The following NOS1AP variants were observed in gnomAD, a reference collection of about 807,000 sequenced individuals.
NOS1AP encodes the protein carboxyl-terminal PDZ ligand of neuronal nitric oxide synthase protein.
In NOS1AP, 21 loss-of-function variants were observed where a neutral mutation model predicts 56.2. The observed-to-expected ratio is 0.37, with a 90% confidence interval of 0.26 to 0.54. The LOEUF is 0.54. NOS1AP is among the 20% of genes least tolerant of loss of function. NOS1AP has a pLI of 0.84. For synonymous variants in NOS1AP, 270 were observed against 274.6 expected (o/e 0.98, Z 0.17); for missense variants, 522 against 657.8 (o/e 0.79, Z 2.26).
chr1:162,094,836 A>G (rs1022376423), intron 1 of NOS1AP, among the ~76,000 whole-genome samples: 21 of 152,140 alleles, frequency 1.4e-4, no homozygotes, highest in Admixed American at 2.6e-4. Context: ...GGTGGAAACC[A>G]GGTATCGCTG....
At chr1:162,090,873 C>T (rs1480909193) in intron 1 of NOS1AP, among the ~76,000 whole-genome samples, 1 of 152,156 alleles carries the variant, frequency 6.6e-6, no homozygotes, top group East Asian at 1.9e-4. Flanking sequence ...CATGCTTTCA[C>T]TATCACATAT....
At chr1:162,185,306 T>C (rs996846039) in intron 2 of NOS1AP, among the ~76,000 whole-genome samples, 3 of 152,248 alleles carry the variant, frequency 2.0e-5, no homozygotes, top group Non-Finnish European at 4.4e-5. Context: ...GGGATTAGTG[T>C]GTAGACATCT....
chr1:162,299,718 T>C (rs1451387086), intron 3 of NOS1AP, among the ~76,000 whole-genome samples: 1 of 152,172 alleles, frequency 6.6e-6, no homozygotes, highest in South Asian at 2.1e-4. Flanking sequence ...CTATGGATCA[T>C]ATTGGTGTTT....
chr1:162,340,383 G>T (rs368205607), intron 5 of NOS1AP, among the ~76,000 whole-genome samples: 20 of 152,290 alleles, frequency 1.3e-4, no homozygotes, highest in African/African-American at 4.8e-4. Flanking sequence ...TATGGTGGAG[G>T]CTATGCTATC....
At chr1:162,320,267 G>A (rs1462192009) in intron 4 of NOS1AP, among the ~76,000 whole-genome samples, 1 of 152,174 alleles carries the variant, frequency 6.6e-6, no homozygotes, top group Non-Finnish European at 1.5e-5. Flanking sequence ...TACAGCAGAT[G>A]AAAATAACAG....
intron 9 of NOS1AP, 79 bp downstream of exon 9, chr1:162,365,648 G>A (rs773932287): frequency 1.1e-4 from 167 of 1,568,346 alleles, no homozygotes; most frequent in Non-Finnish European, 1.3e-4. Flanking sequence ...GTTTTTGGTG[G>A]TGCTTTCTTG....
At chr1:162,352,494 C>A (rs144447204) in intron 6 of NOS1AP, among the ~76,000 whole-genome samples, 238 of 151,518 alleles carry the variant, frequency 1.6e-3, no homozygotes, top group Non-Finnish European at 3.1e-3. Context: ...CCTGAACTTT[C>A]CATTCATGCA....
intron 1 of NOS1AP, among the ~76,000 whole-genome samples, chr1:162,117,195 A>G (rs1411784178): frequency 1.3e-5 from 2 of 152,088 alleles, no homozygotes; most frequent in Non-Finnish European, 2.9e-5. Flanking sequence ...CATTTTATGC[A>G]TTTTGTTCTG....
intron 2 of NOS1AP, among the ~76,000 whole-genome samples, chr1:162,248,479 T>C (rs1173298463): frequency 1.3e-5 from 2 of 152,230 alleles, no homozygotes; most frequent in Admixed American, 6.5e-5. Flanking sequence ...ATCAACTCTT[T>C]AATGGCAGTG....
chr1:162,174,307 C>T lies in NOS1AP; in HGVS notation c.177+19831C>T, dbSNP rs113158732. 7.6e-3 allele frequency among the ~76,000 whole-genome samples: 1,128 copies of T among 148,570 alleles called. 16 individuals are homozygous for T. Among genetic ancestry groups the T allele is most frequent in the African/African-American group, 0.026 (1,051 of 40,330 alleles). ...CATCATTCTCAGCAAACTATCGCAA[C>T]GACAAAAAACCAAACACCACATGTT... On this transcript the variant is annotated intron_variant, in intron 2 of 9. Coordinates refer to ENST00000361897, the MANE Select transcript of NOS1AP (RefSeq NM_014697.3).
At chr1:162,295,001 C>T (rs1187320107) in intron 3 of NOS1AP, among the ~76,000 whole-genome samples, 4 of 152,160 alleles carry the variant, frequency 2.6e-5, no homozygotes, top group Admixed American at 6.5e-5. Flanking sequence ...CCTGCTCCAG[C>T]GGGAGCCCTG....
At chr1:162,318,300 C>A (rs947126867) in intron 4 of NOS1AP, among the ~76,000 whole-genome samples, 4 of 152,218 alleles carry the variant, frequency 2.6e-5, no homozygotes, top group African/African-American at 9.6e-5. Flanking sequence ...CATTTGCTAT[C>A]TATATTTCCA....
chr1:162,171,059 C>T (rs1650755973), intron 2 of NOS1AP, among the ~76,000 whole-genome samples: 1 of 152,134 alleles, frequency 6.6e-6, no homozygotes, highest in Non-Finnish European at 1.5e-5. Context: ...GGTCCAGGGC[C>T]TCTGGGATGC....
intron 2 of NOS1AP, among the ~76,000 whole-genome samples, chr1:162,244,300 A>G (rs1653588626): frequency 6.6e-6 from 1 of 152,074 alleles, no homozygotes; most frequent in Admixed American, 6.5e-5. Flanking sequence ...GTTGATTTTC[A>G]TTCTCTTTGA....
At chr1:162,356,133 C>T (rs2101820510) in intron 7 of NOS1AP, among the ~76,000 whole-genome samples, 1 of 152,248 alleles carries the variant, frequency 6.6e-6, no homozygotes, top group Admixed American at 6.5e-5. Context: ...CTGACGTTTC[C>T]TTTGGAACCA....
In NOS1AP at chr1:162,291,642, T is replaced by A. The variant is rs532773440; in HGVS notation, c.270+4206T>A. On this transcript the variant is annotated intron_variant, in intron 3 of 9. Coordinates refer to ENST00000361897, the MANE Select transcript of NOS1AP (RefSeq NM_014697.3). ...AGGCAGTGGCCAAATATATTCAACT[T>A]TCATTGAGTTGTAAAAAACATCTTT... 2.6e-5 allele frequency among the ~76,000 whole-genome samples: 4 copies of A among 152,162 alleles called. No homozygotes were observed. In the East Asian group the frequency reaches 5.8e-4, roughly 22 times the overall value.
intron 2 of NOS1AP, among the ~76,000 whole-genome samples, chr1:162,216,009 G>C (rs1033179871): frequency 6.6e-6 from 1 of 152,138 alleles, no homozygotes; most frequent in Non-Finnish European, 1.5e-5. Context: ...GTGTTCACCC[G>C]TTTGTGGGAT....
chr1:162,143,044 T>G (rs1649303724), intron 1 of NOS1AP, among the ~76,000 whole-genome samples: 1 of 148,134 alleles, frequency 6.8e-6, no homozygotes, highest in Non-Finnish European at 1.5e-5. Context: ...GGAAGGCTTT[T>G]CCTGGTCGCA....
intron 2 of NOS1AP, among the ~76,000 whole-genome samples, chr1:162,226,886 T>C (rs1652962755): frequency 1.3e-5 from 2 of 151,990 alleles, no homozygotes; most frequent in Non-Finnish European, 2.9e-5. Context: ...TTGGACTCTG[T>C]TCTTAACTCT....
Sources: gnomAD v4.1 joint callset for allele counts (sites outside exome capture counted in the v4.1 genomes callset) on GRCh38, gnomAD v4.1.1 for gene constraint, MANE v1.5 for transcripts, NCBI Gene and HGNC (gene_info 2026-07-23, HGNC 2026-07-21) for gene names.